DPYD: variants seen among roughly 807,000 people sequenced by gnomAD.
The protein encoded by DPYD is dihydropyrimidine dehydrogenase [NADP(+)].
A neutral mutation model predicts 116.2 loss-of-function variants in DPYD; 109 were observed. The ratio of observed to expected loss-of-function variants is 0.94; its 90% confidence interval spans 0.80 to 1.10. The LOEUF is 1.10. Ranked by LOEUF, DPYD falls within the 50% of genes least tolerant of loss-of-function variation. The pLI is 0.00. For missense variants in DPYD, 1,302 were observed against 1,254.5 expected (o/e 1.04, Z -0.57); for synonymous variants, 440 against 432.0 (o/e 1.02, Z -0.23).
intron 1 of DPYD, among the ~76,000 whole-genome samples, chr1:97,891,871 G>A (rs1187402205): frequency 2.0e-5 from 3 of 151,618 alleles, no homozygotes; most frequent in Non-Finnish European, 2.9e-5. Context: ...CTTTGCATTC[G>A]AACTTATAAA....
chr1:97,160,574 C>T (rs183386161), intron 20 of DPYD, among the ~76,000 whole-genome samples: 308 of 152,226 alleles, frequency 2.0e-3, no homozygotes, highest in Non-Finnish European at 3.3e-3. Flanking sequence ...GATTTACCCT[C>T]TGCTATTAGC....
intron 10 of DPYD, among the ~76,000 whole-genome samples, chr1:97,582,525 A>G (rs1293652667): frequency 2.6e-5 from 4 of 152,152 alleles, no homozygotes; most frequent in African/African-American, 9.7e-5. Context: ...TTTAATATTT[A>G]GTAATTTTTG....
chr1:97,449,762 C>CA (rs1201700280), intron 14 of DPYD, among the ~76,000 whole-genome samples: 3 of 152,278 alleles, frequency 2.0e-5, no homozygotes, highest in Non-Finnish European at 2.9e-5. Flanking sequence ...ATACCAGCCA[C>CA]ATACAGTGAA....
At chr1:97,202,775 T>C (rs554403635) in intron 19 of DPYD, among the ~76,000 whole-genome samples, 10 of 152,240 alleles carry the variant, frequency 6.6e-5, no homozygotes, top group African/African-American at 2.4e-4. Context: ...CTAACTGGAC[T>C]CAGATCTCAA....
At chr1:97,591,605 T>C (rs1654526114) in intron 10 of DPYD, among the ~76,000 whole-genome samples, 1 of 152,190 alleles carries the variant, frequency 6.6e-6, no homozygotes, top group Non-Finnish European at 1.5e-5. Flanking sequence ...CCCTTGCAAA[T>C]GGAAGATGAC....
chr1:97,473,696 C>T (rs967084820), intron 13 of DPYD, among the ~76,000 whole-genome samples: 2 of 152,044 alleles, frequency 1.3e-5, no homozygotes, highest in Admixed American at 6.6e-5. Context: ...GTAATATAAA[C>T]TGGTATAGCT....
chr1:97,515,942 C>A lies in DPYD; in HGVS notation c.1525-1G>T, dbSNP rs766535034. On this transcript the variant is annotated splice_acceptor_variant, in intron 12 of 22. Transcript: ENST00000370192. LOFTEE classifies it high-confidence loss of function. ...CAGAAACGGAAGCTCCATATTGTGA[C>A]TGCAAAATACAAACCAATACTTGGT... The A allele has an allele frequency of 5.6e-6, 9 of 1,611,820 alleles. No homozygotes were observed. The highest frequency in any genetic ancestry group is 7.6e-6 in the Non-Finnish European group (9 of 1,178,576).
At chr1:97,379,397 T>C (rs914942764) in intron 15 of DPYD, among the ~76,000 whole-genome samples, 1 of 152,220 alleles carries the variant, frequency 6.6e-6, no homozygotes, top group East Asian at 1.9e-4. Context: ...TTGGTAATGA[T>C]GCATTTTGGA....
chr1:97,433,308 T>G (rs1675286107), intron 14 of DPYD, among the ~76,000 whole-genome samples: 1 of 152,128 alleles, frequency 6.6e-6, no homozygotes, highest in Non-Finnish European at 1.5e-5. Flanking sequence ...GGTTGATGAG[T>G]GCAGAGATGG....
chr1:97,398,013 G>T (rs1570665925), intron 14 of DPYD, among the ~76,000 whole-genome samples: 1 of 151,768 alleles, frequency 6.6e-6, no homozygotes, highest in Non-Finnish European at 1.5e-5. Context: ...TGTTACATAT[G>T]TATACATGTG....
chr1:97,312,070 A>G (rs937824572), intron 16 of DPYD, among the ~76,000 whole-genome samples: 6 of 151,896 alleles, frequency 4.0e-5, no homozygotes, highest in Admixed American at 3.9e-4. Context: ...TAAAAAATAT[A>G]TATGTGTGTG....
intron 8 of DPYD, among the ~76,000 whole-genome samples, chr1:97,640,460 T>C (rs1657823512): frequency 6.6e-6 from 1 of 151,958 alleles, no homozygotes; most frequent in African/African-American, 2.4e-5. Context: ...AGGCACTTGC[T>C]ACCATGACCA....
intron 13 of DPYD, among the ~76,000 whole-genome samples, chr1:97,493,625 G>A (rs988639399): frequency 6.6e-6 from 1 of 151,394 alleles, no homozygotes; most frequent in African/African-American, 2.4e-5. Flanking sequence ...GAAGACTAGG[G>A]AGGTGGAGAA....
chr1:97,736,848 A>AG, intron 4 of DPYD, among the ~76,000 whole-genome samples: 1 of 93,494 alleles, frequency 1.1e-5, no homozygotes, highest in African/African-American at 4.9e-5. Context: ...GTGTGTGTGC[A>AG]TTTGTGTGTG....
At position 97,256,228 on chromosome 1, in the gene DPYD, T is replaced by A. The variant is rs570513838; in HGVS notation, c.2300-21234A>T. 1.2e-4 allele frequency among the ~76,000 whole-genome samples: 18 copies of A among 152,254 alleles called. No homozygotes were observed. In the East Asian group the frequency reaches 2.5e-3, roughly 21 times the overall value. ...CATTTCCATTGTTAAGCATACCCAA[T>A]AATAGCAGTCTTTATATTCTGAAAC... On this transcript the variant is annotated intron_variant, in intron 18 of 22. Coordinates refer to ENST00000370192, the MANE Select transcript of DPYD (RefSeq NM_000110.4).
At chr1:97,873,760 A>G (rs1227981355) in intron 2 of DPYD, among the ~76,000 whole-genome samples, 2 of 151,928 alleles carry the variant, frequency 1.3e-5, no homozygotes, top group Non-Finnish European at 2.9e-5. Context: ...TATTCTCAGC[A>G]CCAAAAGCAG....
chr1:97,769,464 TTAAA>T (rs1666037142), intron 3 of DPYD, among the ~76,000 whole-genome samples: 1 of 152,176 alleles, frequency 6.6e-6, no homozygotes, highest in South Asian at 2.1e-4. Context: ...TGATTTCATT[TTAAA>T]TAATTATAAG....
rs1209385500 is a variant in DPYD at position 97,474,862 on chromosome 1, ACTC to A, written c.1741-24642_1741-24640del. ...TTAATAAAATGCAATTCAGACATAAACTCCTATCATTGACTTTTGGAATTATGA... is the reference window on the plus strand; with the variant it reads ...TTAATAAAATGCAATTCAGACATAAACTATCATTGACTTTTGGAATTATGA... On this transcript the variant is annotated intron_variant, in intron 13 of 22. Transcript: ENST00000370192. 3.9e-5 allele frequency among the ~76,000 whole-genome samples: 6 copies of A among 152,124 alleles called. 1 individual carries two copies. The highest frequency in any genetic ancestry group is 7.2e-5 in the African/African-American group (3 of 41,540).
intron 13 of DPYD, among the ~76,000 whole-genome samples, chr1:97,475,491 T>G (rs535786153): frequency 1.3e-5 from 2 of 152,128 alleles, no homozygotes; most frequent in Non-Finnish European, 2.9e-5. Context: ...AAATTCAAAA[T>G]AGAGCTAGCA....
Sources: gnomAD v4.1 joint callset for allele counts (sites outside exome capture counted in the v4.1 genomes callset) on GRCh38, gnomAD v4.1.1 for gene constraint, MANE v1.5 for transcripts, NCBI Gene and HGNC (gene_info 2026-07-23, HGNC 2026-07-21) for gene names.